The following COL19A1 variants were observed in gnomAD, a reference collection of about 807,000 sequenced individuals.
COL19A1 encodes the protein collagen type XIX alpha 1 chain, also known as collagen alpha-1(XIX) chain.
In COL19A1, 159 loss-of-function variants were observed where a neutral mutation model predicts 190.2. The ratio of observed to expected loss-of-function variants is 0.84; its 90% CI spans 0.73 to 0.95. The LOEUF (loss-of-function observed/expected upper bound fraction) is 0.95. COL19A1 is among the 40% of genes least tolerant of loss of function. The pLI is 0.00. For synonymous variants in COL19A1, 509 were observed against 458.9 expected (o/e 1.11, Z -1.39); for missense variants, 1,418 against 1,431.9 (o/e 0.99, Z 0.16).
chr6:70,147,594 G>A (rs994924707), intron 27 of COL19A1, among the ~76,000 whole-genome samples: 6 of 152,110 alleles, frequency 3.9e-5, no homozygotes, highest in Non-Finnish European at 7.4e-5. Context: ...CAAACTAATT[G>A]TTTTCATATT....
chr6:70,120,535 A>G (rs1380947700), intron 16 of COL19A1, among the ~76,000 whole-genome samples: 1 of 152,184 alleles, frequency 6.6e-6, no homozygotes, highest in African/African-American at 2.4e-5. Flanking sequence ...TAACTGACCT[A>G]GAATTCTTTA....
Position 69,950,919 on chromosome 6 carries a change from G to A in COL19A1, c.937-9077G>A, listed in dbSNP as rs562368556. ...ACATAAAAGATATATTTCTCTAGAA[G>A]TGGGGATTTTTTTCTAAGTAGGAAT... On this transcript the variant is annotated intron_variant, in intron 9 of 50. Coordinates refer to ENST00000620364, the MANE Select transcript of COL19A1 (RefSeq NM_001858.6). Among the ~76,000 whole-genome samples, 15 of 151,912 alleles carry A rather than the reference G, an allele frequency of 9.9e-5. No homozygotes were observed. In the South Asian group the frequency reaches 3.1e-3, roughly 32 times the overall value.
At chr6:70,114,000 G>A (rs1241189936) in intron 16 of COL19A1, among the ~76,000 whole-genome samples, 1 of 151,712 alleles carries the variant, frequency 6.6e-6, no homozygotes, top group Non-Finnish European at 1.5e-5. Context: ...ACAGGTGCAC[G>A]CTAACATGCC....
chr6:69,994,778 T>C (rs553366583), intron 11 of COL19A1, among the ~76,000 whole-genome samples: 7 of 152,130 alleles, frequency 4.6e-5, no homozygotes, highest in Non-Finnish European at 1.0e-4. Context: ...CCTGATGATA[T>C]TTTATTCAGG....
chr6:70,098,258 G>T (rs1315087362), intron 15 of COL19A1: 1 of 276,062 alleles, frequency 3.6e-6, no homozygotes, highest in Admixed American at 3.9e-5. Context: ...TTTTTTCTTG[G>T]CCTAATTATT....
chr6:70,178,779 A>G (rs1281108259), intron 42 of COL19A1, among the ~76,000 whole-genome samples: 3 of 152,170 alleles, frequency 2.0e-5, no homozygotes, highest in African/African-American at 7.2e-5. Context: ...GGACCGGTCT[A>G]TCCCTTTCCT....
At chr6:70,083,258 A>G (rs987394414) in intron 15 of COL19A1, among the ~76,000 whole-genome samples, 1 of 152,218 alleles carries the variant, frequency 6.6e-6, no homozygotes, top group Non-Finnish European at 1.5e-5. Context: ...TTACAAAATG[A>G]TAAAAAGTTA....
At chr6:70,004,477 G>C (rs1002688506) in intron 11 of COL19A1, among the ~76,000 whole-genome samples, 1 of 152,132 alleles carries the variant, frequency 6.6e-6, no homozygotes, top group African/African-American at 2.4e-5. Context: ...TTTCCAGCTT[G>C]TTTCCATGCT....
chr6:69,909,510 A>G (rs2149984716), intron 4 of COL19A1, among the ~76,000 whole-genome samples: 1 of 152,256 alleles, frequency 6.6e-6, no homozygotes, highest in Admixed American at 6.5e-5. Context: ...AGGCTTTGAA[A>G]ACTGAAGAGA....
chr6:70,086,158 G>A (rs560520465), intron 15 of COL19A1, among the ~76,000 whole-genome samples: 3 of 151,856 alleles, frequency 2.0e-5, no homozygotes, highest in Admixed American at 1.3e-4. Flanking sequence ...TATACTTTTC[G>A]TATTTCTATA....
chr6:70,105,615 T>G (rs1407660020), intron 16 of COL19A1, among the ~76,000 whole-genome samples: 1 of 152,184 alleles, frequency 6.6e-6, no homozygotes, highest in African/African-American at 2.4e-5. Flanking sequence ...TTCATTTATA[T>G]TTCTTTTCCA....
intron 1 of COL19A1, among the ~76,000 whole-genome samples, chr6:69,878,466 G>A (rs912991825): frequency 5.9e-5 from 9 of 152,052 alleles, no homozygotes; most frequent in Non-Finnish European, 1.2e-4. Flanking sequence ...GCCCGCCTCG[G>A]CCTTCCAAAG....
intron 5 of COL19A1, among the ~76,000 whole-genome samples, chr6:69,928,673 C>T (rs1364528687): frequency 6.6e-6 from 1 of 152,002 alleles, no homozygotes; most frequent in Non-Finnish European, 1.5e-5. Context: ...AAGGGCAGCT[C>T]ATCGGAATTG....
intron 6 of COL19A1, 51 bp from the exon 7 acceptor site, chr6:69,932,732 A>C: frequency 9.3e-7 from 1 of 1,077,820 alleles, no homozygotes; most frequent in South Asian, 1.4e-5. Flanking sequence ...TAACTGCCTG[A>C]ATGTGATTCC....
intron 33 of COL19A1, 106 bp from the exon 34 acceptor site, chr6:70,156,564 C>G: frequency 7.9e-7 from 1 of 1,270,408 alleles, no homozygotes; most frequent in Non-Finnish European, 1.1e-6. Flanking sequence ...TGTTCCCTGA[C>G]CCTGTCCAAA....
At chr6:69,912,138 A>T (rs1770971145) in intron 4 of COL19A1, among the ~76,000 whole-genome samples, 2 of 152,036 alleles carry the variant, frequency 1.3e-5, no homozygotes, top group South Asian at 4.1e-4. Context: ...TGCCCATTGG[A>T]ATCCTACATA....
intron 48 of COL19A1, among the ~76,000 whole-genome samples, chr6:70,194,815 A>G (rs1231566681): frequency 6.6e-6 from 1 of 152,120 alleles, no homozygotes; most frequent in Non-Finnish European, 1.5e-5. Flanking sequence ...TGAGTCAAAC[A>G]TGGGACCAAT....
chr6:70,149,684 A>G lies in COL19A1; in HGVS notation c.1894-20A>G, dbSNP rs1786909281. On this transcript the variant is annotated intron_variant, in intron 27 of 50. Transcript: ENST00000620364. ...ACATTCTTGGTGGAATTTTAATAAT[A>G]AAATCTCATTTGTACTCAGGGCGCC... The G allele has an allele frequency of 3.1e-6, 5 of 1,611,576 alleles. No homozygotes were observed. The African/African-American group carries it at 6.7e-5, about 22-fold the overall frequency.
Position 70,188,171 on chromosome 6 carries a change from C to T in COL19A1, c.2953C>T (p.Pro985Ser). ...GGGGGCCATCGGTCCTATGGGTCCA[C>T]CAGGAAACAAGGGCTCCATGGGATC... Reference protein sequence around the residue: ...MKGAIGPMGPPGNKGSMGSPG... With the variant: ...MKGAIGPMGPSGNKGSMGSPG... The change falls in exon 47 of 51, where the codon CCA becomes TCA. Residue 985 changes from proline (P) to serine (S), a missense_variant. Physicochemically the swap from Pro to Ser is moderately conservative, Grantham distance 74. Transcript: ENST00000620364. The T allele has an allele frequency of 2.5e-6, 4 of 1,613,896 alleles. No homozygotes were observed. Among genetic ancestry groups the T allele is most frequent in the Non-Finnish European group, 3.4e-6 (4 of 1,179,880 alleles).
Sources: gnomAD v4.1 joint callset for allele counts (sites outside exome capture counted in the v4.1 genomes callset) on GRCh38, gnomAD v4.1.1 for gene constraint, MANE v1.5 for transcripts, NCBI Gene and HGNC (gene_info 2026-07-23, HGNC 2026-07-21) for gene names.